The following MICU3 variants were observed in gnomAD, a reference collection of about 807,000 sequenced individuals.
MICU3 encodes the protein mitochondrial calcium uptake 3.
A neutral mutation model predicts 66.5 loss-of-function variants in MICU3; 62 were observed. The observed-to-expected ratio is 0.93, with a 90% CI of 0.76 to 1.15. The LOEUF (loss-of-function observed/expected upper bound fraction) is 1.15, where lower values mean the gene tolerates loss of function less well. MICU3 is among the 50% of genes most tolerant of loss of function. The pLI is 0.00. For missense variants in MICU3, 779 were observed against 664.4 expected (o/e 1.17, Z -1.90); for synonymous variants, 308 against 240.7 (o/e 1.28, Z -2.59).
chr8:17,027,401 G>A lies in MICU3; in HGVS notation c.122G>A (p.Arg41Gln), dbSNP rs751593608. The A allele has an allele frequency of 8.0e-5, 114 of 1,429,994 alleles. No individual in the cohort carries two copies. In the Admixed American group the frequency reaches 1.1e-3, roughly 14 times the overall value. The allele number at this position is 1,429,994 out of a possible 1,614,324, so 88.6% of individuals were successfully genotyped here. A position where few individuals can be genotyped will look rare whatever the true frequency, so the allele number is the denominator to read the frequency against. The change falls in exon 1 of 15, where the codon CGG (arginine) becomes CAG (glutamine). Residue 41 changes from arginine (R) to glutamine (Q), a missense_variant. Coordinates refer to ENST00000318063, the MANE Select transcript of MICU3 (RefSeq NM_181723.3). ...GTGACCACCCTGGGCCTTCCTGGCCGGCCCTTCTCCTCCCGAGAGGATGAG... is the reference window on the plus strand; with the variant it reads ...GTGACCACCCTGGGCCTTCCTGGCCAGCCCTTCTCCTCCCGAGAGGATGAG... ...PAVTTLGLPG[R>Q]PFSSREDEER...
At chr8:17,051,072 C>A (rs1042567224) in intron 1 of MICU3, among the ~76,000 whole-genome samples, 19 of 152,070 alleles carry the variant, frequency 1.2e-4, no homozygotes, top group Admixed American at 6.6e-5. Context: ...TTATATACAT[C>A]TGAAACTTGA....
chr8:17,073,639 G>A (rs1443503817), intron 3 of MICU3, among the ~76,000 whole-genome samples: 1 of 152,124 alleles, frequency 6.6e-6, no homozygotes, highest in Non-Finnish European at 1.5e-5. Flanking sequence ...CCTGGTCTGT[G>A]GAAAAATTGT....
intron 11 of MICU3, 60 bp from the exon 12 acceptor site, chr8:17,114,033 A>G (rs1802456859): frequency 5.5e-6 from 6 of 1,094,422 alleles, no homozygotes; most frequent in Non-Finnish European, 8.2e-6. Flanking sequence ...TTATGTGTAG[A>G]TCCTGATTTT....
intron 1 of MICU3, among the ~76,000 whole-genome samples, chr8:17,028,565 CAG>C (rs902916569): frequency 2.0e-5 from 3 of 152,178 alleles, no homozygotes; most frequent in South Asian, 2.1e-4. Context: ...ATTTAGAAAA[CAG>C]AGAGCTATGC....
downstream of MICU3, among the ~76,000 whole-genome samples, chr8:17,126,139 G>A (rs533125629): frequency 1.3e-4 from 19 of 150,816 alleles, no homozygotes; most frequent in Admixed American, 1.2e-3. Context: ...GCAGGGAGGA[G>A]CCTGTAATGT....
At chr8:17,039,665 T>G (rs1432929534) in intron 1 of MICU3, among the ~76,000 whole-genome samples, 1 of 152,190 alleles carries the variant, frequency 6.6e-6, no homozygotes, top group East Asian at 1.9e-4. Flanking sequence ...TGCTAAGTAA[T>G]ATGTAGCTGT....
At chr8:17,054,245 C>G (rs149135404) in intron 1 of MICU3, among the ~76,000 whole-genome samples, 1 of 152,026 alleles carries the variant, frequency 6.6e-6, no homozygotes, top group African/African-American at 2.4e-5. Context: ...AATATTATTA[C>G]ATTTACTAGG....
chr8:17,122,732 T>TA (rs1456698124), downstream of MICU3: 1 of 152,044 alleles, frequency 6.6e-6, no homozygotes, highest in Non-Finnish European at 1.5e-5. Flanking sequence ...TATGGGTTAC[T>TA]AAACCTCTTT....
At chr8:17,112,822 G>A (rs540791302) in intron 11 of MICU3, among the ~76,000 whole-genome samples, 1 of 152,316 alleles carries the variant, frequency 6.6e-6, no homozygotes, top group Non-Finnish European at 1.5e-5. Flanking sequence ...GCAGGTCGCA[G>A]CATAAACTGG....
the MICU3 span, among the ~76,000 whole-genome samples, chr8:17,127,653 C>T: frequency 6.6e-6 from 1 of 152,044 alleles, no homozygotes; most frequent in Admixed American, 6.6e-5. Context: ...GATAAATTGC[C>T]ACATAAAGAT....
At chr8:17,137,124 A>T in the MICU3 span, among the ~76,000 whole-genome samples, 4 of 151,942 alleles carry the variant, frequency 2.6e-5, no homozygotes, top group East Asian at 1.9e-4. Context: ...CTCCCGTCCA[A>T]ACCTTTCTTT....
chr8:17,120,888 A>G lies in MICU3; in HGVS notation c.*601A>G, dbSNP rs562200260. The G allele has an allele frequency of 1.8e-4, 27 of 152,432 alleles. No individual in the cohort carries two copies. Among genetic ancestry groups the G allele is most frequent in the African/African-American group, 6.3e-4 (26 of 41,560 alleles). 9.4% of individuals were successfully genotyped at this position (152,432 alleles called of 1,614,324 possible). On this transcript the variant is annotated 3_prime_UTR_variant, in exon 15 of 15. Coordinates refer to ENST00000318063, the MANE Select transcript of MICU3 (RefSeq NM_181723.3). ...TTTTAACTTTTAAAAGTACTTAATT[A>G]ACATATGTTGTTTGACTTGTATAAA...
intron 1 of MICU3, among the ~76,000 whole-genome samples, chr8:17,054,738 C>CTTTTTTTTT (rs559605289): frequency 9.0e-5 from 11 of 122,734 alleles, no homozygotes; most frequent in South Asian, 2.6e-4. Flanking sequence ...TTCTTTCTTT[C>CTTTTTTTTT]TTTTTTTTTT....
chr8:17,065,795 G>A (rs1023557761), intron 2 of MICU3, among the ~76,000 whole-genome samples: 2 of 152,106 alleles, frequency 1.3e-5, no homozygotes, highest in African/African-American at 4.8e-5. Context: ...AAATGAAGAC[G>A]ATGAGTGTAA....
intron 8 of MICU3, among the ~76,000 whole-genome samples, chr8:17,093,048 T>C (rs1455202586): frequency 1.3e-5 from 2 of 152,078 alleles, no homozygotes; most frequent in Admixed American, 6.6e-5. Flanking sequence ...CAGTAGATGC[T>C]GCCTATTTTC....
At chr8:17,064,600 T>A (rs1818392578) in intron 2 of MICU3, among the ~76,000 whole-genome samples, 1 of 152,190 alleles carries the variant, frequency 6.6e-6, no homozygotes, top group South Asian at 2.1e-4. Flanking sequence ...TCTGCGTTTG[T>A]CATAGCTCCT....
At chr8:17,052,865 C>G (rs1197772800) in intron 1 of MICU3, among the ~76,000 whole-genome samples, 1 of 152,068 alleles carries the variant, frequency 6.6e-6, no homozygotes, top group Non-Finnish European at 1.5e-5. Context: ...TTTTTAGCTA[C>G]TTGAATAGAA....
chr8:17,069,652 T>C (rs879403978), intron 2 of MICU3, 36 bp from the exon 3 acceptor site: 2 of 1,311,764 alleles, frequency 1.5e-6, no homozygotes, highest in Non-Finnish European at 1.1e-6. Context: ...CCATGAAGTA[T>C]TTATTATCTA....
Position 17,027,424 on chromosome 8 carries a change from G to A in MICU3, c.145G>A (p.Glu49Lys). 7.3e-7 allele frequency: 1 copy of A among 1,370,972 alleles called. No homozygotes were observed. The highest frequency in any genetic ancestry group is 3.0e-5 in the East Asian group (1 of 33,878). The allele number at this position is 1,370,972 out of a possible 1,614,324, so 84.9% of individuals were successfully genotyped here. The part of the protein sequence containing the change: ...PGRPFSSRED[E>K]ERAVAEAAWR... ...CCGGCCCTTCTCCTCCCGAGAGGAT[G>A]AGGAGAGGGCTGTGGCGGAGGCGGC... The change falls in exon 1 of 15, where the codon GAG becomes AAG. Residue 49 changes from glutamate to lysine, a missense_variant. By Grantham distance (56) the Glu-to-Lys change is moderately conservative (BLOSUM62 1). Transcript: ENST00000318063.
Sources: gnomAD v4.1 joint callset for allele counts (sites outside exome capture counted in the v4.1 genomes callset) on GRCh38, gnomAD v4.1.1 for gene constraint, MANE v1.5 for transcripts, NCBI Gene and HGNC (gene_info 2026-07-23, HGNC 2026-07-21) for gene names.